WASHC2C: variants seen among roughly 807,000 people sequenced by gnomAD.
WASHC2C encodes the protein Vaccinia Penetration Factor.
WASHC2C carries 73 observed loss-of-function variants against 142.2 expected under a neutral mutation model. The ratio of observed to expected loss-of-function variants is 0.51; its 90% CI spans 0.43 to 0.62. The LOEUF (loss-of-function observed/expected upper bound fraction) is 0.62. WASHC2C is among the 20% of genes least tolerant of loss of function. WASHC2C has a pLI of 0.00. For missense variants in WASHC2C, 969 were observed against 1,531.7 expected (o/e 0.63, Z 6.13); for synonymous variants, 337 against 565.5 (o/e 0.60, Z 5.73).
chr10:45,775,750 C>T (rs2442914), intron 21 of WASHC2C, among the ~76,000 whole-genome samples: 262 of 141,540 alleles, frequency 1.9e-3, no homozygotes, highest in African/African-American at 5.8e-3. Context: ...TGGCGCATCT[C>T]GGCTCACTGC....
intron 23 of WASHC2C, among the ~76,000 whole-genome samples, chr10:45,783,540 C>T (rs1482275590): frequency 6.6e-6 from 1 of 152,162 alleles, no homozygotes; most frequent in Non-Finnish European, 1.5e-5. Context: ...CGGCCCACTG[C>T]AGCCTCTGCC....
chr10:45,769,717 G>A (rs1214802303), intron 20 of WASHC2C, 99 bp downstream of exon 20: 13 of 1,505,172 alleles, frequency 8.6e-6, no homozygotes, highest in Non-Finnish European at 1.2e-5. Context: ...TGCTAATCAT[G>A]GATCACATAG....
chr10:45,736,405 CAAAAAAAAAA>C (rs71520974), intron 3 of WASHC2C, among the ~76,000 whole-genome samples: 20 of 24,560 alleles, frequency 8.1e-4, no homozygotes, highest in Admixed American at 6.8e-3. Flanking sequence ...GACTCCATCT[CAAAAAAAAAA>C]AAAAAAAAAA....
Position 45,752,696 on chromosome 10 carries a change from A to G in WASHC2C, c.1112A>G (p.Glu371Gly), listed in dbSNP as rs1208419120. Reference protein sequence around the residue: ...FSGGKGLFDDEDEESDLFTEA... With the variant: ...FSGGKGLFDDGDEESDLFTEA... ...GGCGGCAAGGGGCTATTTGATGATG[A>G]GGACGAGGAGGTGAGTCCATGGCAC... The change falls in exon 12 of 31, where the codon GAG becomes GGG. Residue 371 changes from glutamate (E) to glycine (G), a missense_variant. Physicochemically the swap from Glu to Gly is moderately conservative, Grantham distance 98. Transcript: ENST00000623400. 4.1e-5 allele frequency: 66 copies of G among 1,609,854 alleles called. No individual in the cohort carries two copies. The highest frequency in any genetic ancestry group is 5.2e-5 in the Non-Finnish European group (61 of 1,179,206).
intron 19 of WASHC2C, among the ~76,000 whole-genome samples, 176 bp from the exon 20 acceptor site, chr10:45,769,273 A>G (rs1249401463): frequency 2.7e-5 from 4 of 150,824 alleles, no homozygotes; most frequent in Non-Finnish European, 5.9e-5. Context: ...TCCCGCCACC[A>G]CGCCCGGCTA....
At chr10:45,754,222 C>T (rs1229139902) in intron 13 of WASHC2C, among the ~76,000 whole-genome samples, 29 of 137,152 alleles carry the variant, frequency 2.1e-4, no homozygotes, top group African/African-American at 7.5e-4. Context: ...TGGTGTCCCC[C>T]AGCTGACCCA....
At chr10:45,743,732 T>G (rs1185316553) in intron 6 of WASHC2C, among the ~76,000 whole-genome samples, 1 of 149,562 alleles carries the variant, frequency 6.7e-6, no homozygotes, top group Non-Finnish European at 1.5e-5. Context: ...TCTGTGTGTT[T>G]TCTTTTTTTC....
At chr10:45,771,384 A>G (rs2056571792) in intron 20 of WASHC2C, 2 of 972,060 alleles carry the variant, frequency 2.1e-6, no homozygotes. Context: ...AAAAAAAAAA[A>G]AGGCCTTTCC....
At chr10:45,736,085 C>T (rs1166713573) in intron 3 of WASHC2C, among the ~76,000 whole-genome samples, 5 of 145,192 alleles carry the variant, frequency 3.4e-5, no homozygotes, top group East Asian at 2.0e-4. Context: ...GTCTGGCCAA[C>T]GTGGTGAAAC....
intron 20 of WASHC2C, among the ~76,000 whole-genome samples, chr10:45,770,856 G>A (rs1554884347): frequency 6.6e-6 from 1 of 152,108 alleles, no homozygotes; most frequent in Non-Finnish European, 1.5e-5. Flanking sequence ...AATAAAAACA[G>A]CATTTCTCTC....
intron 28 of WASHC2C, among the ~76,000 whole-genome samples, chr10:45,787,712 CAGG>C (rs1445417962): frequency 6.6e-6 from 1 of 151,974 alleles, no homozygotes; most frequent in African/African-American, 2.4e-5. Context: ...CCAGGCACAC[CAGG>C]TGCCACTCCC....
intron 17 of WASHC2C, 27 bp from the exon 18 acceptor site, chr10:45,763,361 C>A: frequency 1.6e-6 from 1 of 644,928 alleles, no homozygotes; most frequent in Non-Finnish European, 2.8e-6. Context: ...TTCCTGTTAA[C>A]CAGCAACTTT....
chr10:45,788,200 T>C (rs2058187630), intron 28 of WASHC2C, among the ~76,000 whole-genome samples: 1 of 152,230 alleles, frequency 6.6e-6, no homozygotes, highest in African/African-American at 2.4e-5. Context: ...GAGTAGATTG[T>C]AGCTTCTCAA....
At chr10:45,788,761 G>C (rs1461192136) in intron 28 of WASHC2C, 110 bp from the exon 29 acceptor site, 74 of 1,552,672 alleles carry the variant, frequency 4.8e-5, no homozygotes, top group Non-Finnish European at 6.4e-5. Flanking sequence ...TATCTTCATT[G>C]AAGTAGACCA....
At chr10:45,749,836 A>AAAAAAAAAAATATATAT (rs1227809519) in intron 8 of WASHC2C, among the ~76,000 whole-genome samples, 1 of 101,780 alleles carries the variant, frequency 9.8e-6, no homozygotes, top group African/African-American at 4.4e-5. Context: ...AAAAAAAAAA[A>AAAAAAAAAAATATATAT]ATATATATAT....
At chr10:45,789,724 C>G (rs1327816005) in intron 29 of WASHC2C, among the ~76,000 whole-genome samples, 1 of 152,168 alleles carries the variant, frequency 6.6e-6, no homozygotes, top group Non-Finnish European at 1.5e-5. Context: ...TGATACTGAT[C>G]TTGGTTTCTC....
intron 17 of WASHC2C, among the ~76,000 whole-genome samples, chr10:45,761,453 G>A (rs2055072897): frequency 6.6e-6 from 1 of 152,210 alleles, no homozygotes; most frequent in Non-Finnish European, 1.5e-5. Context: ...TGGTGGGAGT[G>A]TAAATGTACT....
chr10:45,771,364 CAAAAA>C (rs58095251), intron 20 of WASHC2C, among the ~76,000 whole-genome samples: 1 of 40,228 alleles, frequency 2.5e-5, no homozygotes, highest in Non-Finnish European at 5.7e-5. Context: ...GACTCCATCT[CAAAAA>C]AAAAAAAAAA....
intron 26 of WASHC2C, 52 bp from the exon 27 acceptor site, chr10:45,786,560 C>T (rs1741246009): frequency 2.5e-6 from 4 of 1,605,368 alleles, no homozygotes; most frequent in Non-Finnish European, 1.7e-6. Flanking sequence ...ATAAGAAACA[C>T]TTGTCTTTCT....
Sources: allele counts gnomAD v4.1 joint callset (sites outside exome capture counted in the v4.1 genomes callset), GRCh38; gene constraint gnomAD v4.1.1; transcripts MANE v1.5; gene names NCBI Gene and HGNC (gene_info 2026-07-23, HGNC 2026-07-21).